The following TMEM222 variants were observed in gnomAD, a reference collection of about 807,000 sequenced individuals.
TMEM222 encodes chromosome 1 open reading frame 160.
Under a neutral mutation model 25.1 loss-of-function variants are expected in TMEM222, and 18 were observed. The observed-to-expected ratio is 0.72, with a 90% CI of 0.50 to 1.06. The LOEUF (loss-of-function observed/expected upper bound fraction) is 1.06, where lower values mean the gene tolerates loss of function less well. TMEM222 is among the 50% of genes least tolerant of loss of function. TMEM222 has a pLI of 0.00. For synonymous variants in TMEM222, 131 were observed against 117.9 expected (o/e 1.11, Z -0.72); for missense variants, 296 against 293.7 (o/e 1.01, Z -0.06).
chr1:27,330,135 A>C (rs2014445529), intron 1 of TMEM222, among the ~76,000 whole-genome samples: 1 of 151,634 alleles, frequency 6.6e-6, no homozygotes, highest in East Asian at 1.9e-4. Flanking sequence ...GCAGTGGCTT[A>C]TGCCTGTAAT....
chr1:27,323,132 T>A (rs1021785264), intron 1 of TMEM222, among the ~76,000 whole-genome samples: 1 of 152,202 alleles, frequency 6.6e-6, no homozygotes, highest in Non-Finnish European at 1.5e-5. Flanking sequence ...ACCCATTTTA[T>A]CAGAATTAAA....
At chr1:27,324,739 G>A (rs2014297678) in intron 1 of TMEM222, among the ~76,000 whole-genome samples, 1 of 152,198 alleles carries the variant, frequency 6.6e-6, no homozygotes, top group Admixed American at 6.5e-5. Flanking sequence ...GGAGACCTCA[G>A]GAAGCTTCCA....
chr1:27,332,243 C>A, intron 3 of TMEM222, 142 bp downstream of exon 3: 1 of 919,284 alleles, frequency 1.1e-6, no homozygotes, highest in African/African-American at 1.6e-5. Context: ...CAGGGTCCAC[C>A]AGAGCATGGC....
chr1:27,333,219 C>T, intron 3 of TMEM222: 1 of 421,692 alleles, frequency 2.4e-6, no homozygotes, highest in Non-Finnish European at 4.9e-6. Flanking sequence ...TCTGCATCCT[C>T]CAGGAGGGCT....
intron 1 of TMEM222, chr1:27,325,555 A>G (rs2014322502): frequency 7.9e-7 from 1 of 1,259,124 alleles, no homozygotes; most frequent in South Asian, 1.2e-5. Context: ...CTGTACACCA[A>G]CATAGGGCTA....
intron 3 of TMEM222, chr1:27,332,488 G>C (rs1446160945): frequency 2.8e-6 from 2 of 718,114 alleles, no homozygotes; most frequent in African/African-American, 3.5e-5. Context: ...GGCATGGAAG[G>C]TAGAAGAGAG....
intron 3 of TMEM222, chr1:27,332,372 A>C (rs1371880963): frequency 1.4e-6 from 1 of 717,132 alleles, no homozygotes; most frequent in East Asian, 2.7e-5. Flanking sequence ...AGGGTGAGGA[A>C]AGGGAAGGGA....
intron 3 of TMEM222, chr1:27,333,450 A>G (rs909584201): frequency 8.5e-6 from 4 of 469,742 alleles, no homozygotes; most frequent in Non-Finnish European, 1.8e-5. Flanking sequence ...CTTAGAAACA[A>G]CAGAAATGTA....
chr1:27,330,845 A>G, intron 2 of TMEM222, 41 bp downstream of exon 2: 2 of 1,609,136 alleles, frequency 1.2e-6, no homozygotes, highest in Non-Finnish European at 1.7e-6. Context: ...TCCAAGGTTT[A>G]AGTGGAAGGC....
chr1:27,330,914 C>A, intron 2 of TMEM222, 110 bp downstream of exon 2: 1 of 1,580,362 alleles, frequency 6.3e-7, no homozygotes. Flanking sequence ...ACGTAGATAA[C>A]CCGCAGTCCT....
At chr1:27,324,985 C>T (rs1435180937) in intron 1 of TMEM222, among the ~76,000 whole-genome samples, 8 of 152,220 alleles carry the variant, frequency 5.3e-5, no homozygotes, top group Middle Eastern at 3.4e-3. Context: ...GGAGATTTGG[C>T]GGGGACAGAT....
intron 3 of TMEM222, chr1:27,332,858 AG>A: frequency 3.0e-6 from 1 of 337,042 alleles, no homozygotes; most frequent in Non-Finnish European, 5.7e-6. Context: ...CTTCAAGGAC[AG>A]TTTTAAGGGC....
At chr1:27,329,297 A>G (rs1385532396) in intron 1 of TMEM222, among the ~76,000 whole-genome samples, 1 of 151,280 alleles carries the variant, frequency 6.6e-6, no homozygotes. Context: ...GAATTTTTGC[A>G]TATCACACAC....
At chr1:27,331,464 T>C (rs2014476927) in intron 2 of TMEM222, among the ~76,000 whole-genome samples, 1 of 152,226 alleles carries the variant, frequency 6.6e-6, no homozygotes, top group Non-Finnish European at 1.5e-5. Flanking sequence ...TTTATGGTGA[T>C]TAATCATTGA....
In TMEM222 at chr1:27,322,374, G is replaced by T. The variant is rs1185546699; in HGVS notation, c.177G>T (p.Thr59=). The stretch of plus-strand genomic sequence containing the variant: ...GCTTCCCCTACTGCGTGGTGTGGAC[G>T]CCCATCCCGGTGCTCACGTGAGTCT... ...RSRFPYCVVW[T]PIPVLTWFFP... is the part of the protein sequence containing the mutation. Residue 59 remains threonine (T), a synonymous_variant, in exon 1 of 6, where the codon ACG becomes ACT. Transcript: ENST00000374076. 1.4e-6 allele frequency: 2 copies of T among 1,461,810 alleles called. No homozygotes were observed. The highest frequency in any genetic ancestry group is 1.4e-5 in the South Asian group (1 of 72,906). The allele number at this position is 1,461,810 out of a possible 1,614,324, so 90.6% of individuals were successfully genotyped here.
At chr1:27,322,474 C>G in intron 1 of TMEM222, 83 bp downstream of exon 1, 3 of 1,268,602 alleles carry the variant, frequency 2.4e-6, no homozygotes, top group Non-Finnish European at 3.1e-6. Flanking sequence ...CCGGCCCCAA[C>G]GCGCAGCAAG....
At chr1:27,325,770 T>C in intron 1 of TMEM222, 1 of 839,132 alleles carries the variant, frequency 1.2e-6, no homozygotes, top group South Asian at 1.3e-5. Flanking sequence ...GTCAGGCCCC[T>C]GTATCGTCCA....
rs1429928558 is a variant in TMEM222, at chr1:27,322,254, C to T, written c.57C>T (p.Pro19=). 7.2e-6 allele frequency: 11 copies of T among 1,531,386 alleles called. No homozygotes were observed. Among genetic ancestry groups the T allele is most frequent in the Non-Finnish European group, 9.7e-6 (11 of 1,135,888 alleles). 94.9% of individuals were successfully genotyped at this position (1,531,386 alleles called of 1,614,324 possible). ...TGTTGCCGCCGCCGCCACCCCCGCCCAGGATGGCGGAAGTGGAGGCGCCGA... is the reference window on the plus strand; with the variant it reads ...TGTTGCCGCCGCCGCCACCCCCGCCTAGGATGGCGGAAGTGGAGGCGCCGA... ...LLLLPPPPPP[P]RMAEVEAPTA... Residue 19 remains proline (P), a synonymous_variant, in exon 1 of 6, where the codon CCC becomes CCT. Transcript: ENST00000374076.
At position 27,335,597 on chromosome 1, in the gene TMEM222, T is replaced by A; in HGVS notation, c.*131T>A. 1 of 846,140 alleles carries A rather than the reference T, an allele frequency of 1.2e-6. No individual in the cohort carries two copies. The highest frequency in any genetic ancestry group is 1.9e-6 in the Non-Finnish European group (1 of 532,518). 52.4% of individuals were successfully genotyped at this position (846,140 alleles called of 1,614,324 possible). A position where few individuals can be genotyped will look rare whatever the true frequency, so the allele number is the denominator to read the frequency against. The stretch of plus-strand genomic sequence containing the variant: ...GCTGTTGTGGACCGGGGGTCGGGGC[T>A]GGCAGGATGGAAGGACTGAGGACCA... On this transcript the variant is annotated 3_prime_UTR_variant, in exon 6 of 6. Transcript: ENST00000374076.
Sources: gnomAD v4.1 joint callset for allele counts (sites outside exome capture counted in the v4.1 genomes callset) on GRCh38, gnomAD v4.1.1 for gene constraint, MANE v1.5 for transcripts, NCBI Gene and HGNC (gene_info 2026-07-23, HGNC 2026-07-21) for gene names.